Variants in ATP6V0E1 observed in about 807,000 individuals in gnomAD.
ATP6V0E1 encodes the protein ATPase H+ transporting V0 subunit e1, also known as V-type proton ATPase subunit e 1.
A neutral mutation model predicts 11.6 loss-of-function variants in ATP6V0E1; 4 were observed. That is an observed-to-expected ratio of 0.35 (90% CI 0.17 to 0.79). The LOEUF (loss-of-function observed/expected upper bound fraction) is 0.79, where lower values mean the gene tolerates loss of function less well. Ranked by LOEUF, ATP6V0E1 falls within the 30% of genes least tolerant of loss-of-function variation. The pLI, the probability that ATP6V0E1 is intolerant of heterozygous loss-of-function variation, is 0.54. For synonymous variants in ATP6V0E1, 36 were observed against 34.8 expected, an observed-to-expected ratio of 1.04 and a Z score of -0.13; for missense variants, 105 against 100.0, an observed-to-expected ratio of 1.05 and a Z score of -0.21.
At position 172,983,929 on chromosome 5, in the gene ATP6V0E1, G is replaced by A; in HGVS notation, c.69G>A (p.Leu23=). Residue 23 remains leucine (L), a synonymous_variant, in exon 1 of 4, where the codon TTG becomes TTA. Coordinates refer to ENST00000519374, the MANE Select transcript of ATP6V0E1 (RefSeq NM_003945.4). ...MSVFWGFVGF[L]VPWFIPKGPN... is the part of the protein sequence containing the mutation. ...TGTTCTGGGGCTTCGTCGGCTTCTT[G>A]GTGCCTTGGTTCATCCCTAAGGGTC... The A allele has an allele frequency of 6.2e-7, 1 of 1,613,190 alleles. No individual in the cohort carries two copies. The highest frequency in any genetic ancestry group is 1.1e-5 in the South Asian group (1 of 91,044).
intron 1 of ATP6V0E1, among the ~76,000 whole-genome samples, 187 bp from the exon 2 acceptor site, chr5:172,994,588 A>G (rs765194999): frequency 6.6e-6 from 1 of 152,172 alleles, no homozygotes; most frequent in Non-Finnish European, 1.5e-5. Context: ...GTTTAATTAC[A>G]TAAACTTTTC....
intron 2 of ATP6V0E1, among the ~76,000 whole-genome samples, chr5:173,014,394 A>G (rs1351551279): frequency 6.6e-6 from 1 of 152,182 alleles, no homozygotes; most frequent in Non-Finnish European, 1.5e-5. Context: ...AAATCAGTAT[A>G]TATAAAAGGT....
intron 1 of ATP6V0E1, among the ~76,000 whole-genome samples, chr5:172,993,707 A>G (rs960811866): frequency 1.1e-5 from 1 of 94,192 alleles, no homozygotes; most frequent in Non-Finnish European, 2.0e-5. Flanking sequence ...ACCTCTCCAA[A>G]AAAAATTAAA....
intron 1 of ATP6V0E1, among the ~76,000 whole-genome samples, chr5:172,988,698 G>A (rs1251939687): frequency 2.0e-5 from 3 of 152,066 alleles, no homozygotes; most frequent in African/African-American, 7.2e-5. Flanking sequence ...GGTGAGTTGG[G>A]GTTTTTTTTT....
chr5:173,030,145 A>G (rs988175525), intron 3 of ATP6V0E1, among the ~76,000 whole-genome samples: 13 of 152,268 alleles, frequency 8.5e-5, no homozygotes, highest in African/African-American at 2.9e-4. Flanking sequence ...ACTTTGTTTC[A>G]AAGTGATTTC....
chr5:172,993,876 C>T (rs866204387), intron 1 of ATP6V0E1, among the ~76,000 whole-genome samples: 1 of 151,994 alleles, frequency 6.6e-6, no homozygotes, highest in East Asian at 1.9e-4. Context: ...CTTAAAAAAA[C>T]AGGAGTTATA....
At chr5:173,008,529 G>A (rs1246654914) in intron 2 of ATP6V0E1, among the ~76,000 whole-genome samples, 1 of 149,790 alleles carries the variant, frequency 6.7e-6, no homozygotes, top group Non-Finnish European at 1.5e-5. Flanking sequence ...TTGATCTCTT[G>A]ACCTCATGAT....
intron 1 of ATP6V0E1, among the ~76,000 whole-genome samples, chr5:172,989,470 C>A (rs1300570062): frequency 1.3e-5 from 2 of 152,130 alleles, no homozygotes; most frequent in African/African-American, 2.4e-5. Context: ...TCAAATACAT[C>A]TGTGTTTCTC....
intron 2 of ATP6V0E1, among the ~76,000 whole-genome samples, chr5:173,008,055 C>T (rs948150971): frequency 1.3e-5 from 2 of 152,172 alleles, no homozygotes; most frequent in Non-Finnish European, 2.9e-5. Flanking sequence ...GAGGTTCTCA[C>T]ACCCACTCCG....
chr5:172,999,127 T>C (rs1756115557), intron 2 of ATP6V0E1, among the ~76,000 whole-genome samples: 1 of 151,622 alleles, frequency 6.6e-6, no homozygotes, highest in Non-Finnish European at 1.5e-5. Context: ...CAAGTCTCCA[T>C]CTCAGGAGGG....
intron 1 of ATP6V0E1, among the ~76,000 whole-genome samples, chr5:172,990,528 T>C (rs1755963349): frequency 6.6e-6 from 1 of 152,044 alleles, no homozygotes; most frequent in South Asian, 2.1e-4. Context: ...ATTTTATTTA[T>C]AAATAATAGA....
In ATP6V0E1 at chr5:172,999,718, A is replaced by C. The variant is rs1003844766; in HGVS notation, c.152+4896A>C. ...TTAGTCCATTTTTTCCTTTGTTCCC[A>C]AATTCTGGTGACTTCTCTACTGACA... is the stretch of plus-strand genomic sequence containing the variant. On this transcript the variant is annotated intron_variant, in intron 2 of 3. Coordinates refer to ENST00000519374, the MANE Select transcript of ATP6V0E1 (RefSeq NM_003945.4). Among the ~76,000 whole-genome samples, 3 of 152,136 alleles carry C rather than the reference A, an allele frequency of 2.0e-5. No homozygotes were observed. In the South Asian group the frequency reaches 6.2e-4, roughly 31 times the overall value.
chr5:172,989,956 C>T (rs1755956596), intron 1 of ATP6V0E1, among the ~76,000 whole-genome samples: 1 of 152,184 alleles, frequency 6.6e-6, no homozygotes, highest in African/African-American at 2.4e-5. Context: ...CTGCTTCAGC[C>T]TCCAGCATAG....
At chr5:173,030,921 G>T (rs867235986) in intron 3 of ATP6V0E1, among the ~76,000 whole-genome samples, 235 of 141,908 alleles carry the variant, frequency 1.7e-3, no homozygotes, top group African/African-American at 5.8e-3. Flanking sequence ...GCTAATTTTT[G>T]TATTTATTTA....
At chr5:173,020,423 T>C in intron 3 of ATP6V0E1, 56 bp downstream of exon 3, 1 of 1,096,690 alleles carries the variant, frequency 9.1e-7, no homozygotes, top group Non-Finnish European at 1.3e-6. Context: ...GAGTTTGCCT[T>C]GACTTTTTCT....
intron 3 of ATP6V0E1, among the ~76,000 whole-genome samples, chr5:173,032,397 C>T (rs148285442): frequency 0.015 from 2,204 of 151,786 alleles, 51 homozygotes; most frequent in African/African-American, 0.05. Flanking sequence ...AAGCCATTCT[C>T]CTTGCCTTAG....
intron 3 of ATP6V0E1, among the ~76,000 whole-genome samples, chr5:173,030,673 T>C (rs929460862): frequency 1.3e-5 from 2 of 152,108 alleles, no homozygotes; most frequent in East Asian, 3.9e-4. Flanking sequence ...ACTCCTGATC[T>C]CAGGTGATCC....
At chr5:173,018,002 C>T (rs959696651) in intron 2 of ATP6V0E1, among the ~76,000 whole-genome samples, 3 of 152,070 alleles carry the variant, frequency 2.0e-5, no homozygotes, top group Admixed American at 2.0e-4. Context: ...CTCCCCACAC[C>T]ACTGCCCACC....
chr5:173,026,522 T>C (rs188673815), intron 3 of ATP6V0E1, among the ~76,000 whole-genome samples: 3 of 152,340 alleles, frequency 2.0e-5, no homozygotes, highest in African/African-American at 7.2e-5. Flanking sequence ...CATATATTCA[T>C]TCATATGTAT....
Sources: gnomAD v4.1 joint callset for allele counts (sites outside exome capture counted in the v4.1 genomes callset) on GRCh38, gnomAD v4.1.1 for gene constraint, MANE v1.5 for transcripts, NCBI Gene and HGNC (gene_info 2026-07-23, HGNC 2026-07-21) for gene names.